FBXL17: variants seen among roughly 807,000 people sequenced by gnomAD.
FBXL17 encodes the protein F-box and leucine rich repeat protein 17, also known as F-box/LRR-repeat protein 17.
Under a neutral mutation model 66.2 loss-of-function variants are expected in FBXL17, and 22 were observed. That is an observed-to-expected ratio of 0.33 (90% CI 0.24 to 0.47). The LOEUF (loss-of-function observed/expected upper bound fraction) is 0.47, where lower values mean the gene tolerates loss of function less well. Ranked by LOEUF, FBXL17 falls within the 20% of genes least tolerant of loss-of-function variation. The pLI is 1.00. For synonymous variants in FBXL17, 474 were observed against 400.5 expected, an observed-to-expected ratio of 1.18 and a Z score of -2.19; for missense variants, 878 against 948.2, an observed-to-expected ratio of 0.93 and a Z score of 0.97.
chr5:108,238,150 A>G lies in FBXL17; in HGVS notation c.1507-13922T>C, dbSNP rs148024458. 2.6e-3 allele frequency among the ~76,000 whole-genome samples: 403 copies of G among 152,372 alleles called. 4 individuals carry two copies. Among genetic ancestry groups the G allele is most frequent in the African/African-American group, 9.3e-3 (385 of 41,584 alleles). ...CAGAGAACACATTGGCACTTGTCACATAACAGCTAAAAATGGTGACAGAAT... is the reference window on the plus strand; with the variant it reads ...CAGAGAACACATTGGCACTTGTCACGTAACAGCTAAAAATGGTGACAGAAT... On this transcript the variant is annotated intron_variant, in intron 4 of 8. Transcript: ENST00000542267.
intron 4 of FBXL17, among the ~76,000 whole-genome samples, chr5:108,338,298 G>C (rs1746646338): frequency 6.6e-6 from 1 of 151,862 alleles, no homozygotes; most frequent in Non-Finnish European, 1.5e-5. Context: ...TATTCTCAAA[G>C]ATATACAGTA....
At chr5:107,949,805 G>A (rs1221156693) in intron 7 of FBXL17, among the ~76,000 whole-genome samples, 1 of 152,170 alleles carries the variant, frequency 6.6e-6, no homozygotes, top group Non-Finnish European at 1.5e-5. Context: ...TTTTACTGAT[G>A]AGGAAATTGA....
intron 4 of FBXL17, among the ~76,000 whole-genome samples, chr5:108,270,301 A>C (rs1467738119): frequency 6.6e-6 from 1 of 151,970 alleles, no homozygotes; most frequent in Non-Finnish European, 1.5e-5. Context: ...CCTACAATCC[A>C]TTCCACTCAT....
At chr5:108,327,968 T>C (rs1188839842) in intron 4 of FBXL17, among the ~76,000 whole-genome samples, 2 of 152,118 alleles carry the variant, frequency 1.3e-5, no homozygotes, top group African/African-American at 4.8e-5. Context: ...TCTATACATT[T>C]AAAAAATCAA....
intron 7 of FBXL17, among the ~76,000 whole-genome samples, chr5:107,926,660 G>A (rs560910269): frequency 2.8e-4 from 43 of 151,636 alleles, no homozygotes; most frequent in Middle Eastern, 3.4e-3. Context: ...CCTATGATAG[G>A]GAAAGAAGTA....
intron 4 of FBXL17, among the ~76,000 whole-genome samples, chr5:108,262,051 A>ATGTT: frequency 7.0e-6 from 1 of 143,766 alleles, no homozygotes; most frequent in Admixed American, 6.9e-5. Flanking sequence ...AAAGTGATAC[A>ATGTT]TATTTTATTT....
chr5:108,063,355 A>G (rs1039135134), intron 6 of FBXL17, among the ~76,000 whole-genome samples: 2 of 152,184 alleles, frequency 1.3e-5, no homozygotes, highest in Admixed American at 1.3e-4. Flanking sequence ...GCCAATAACT[A>G]ACCTTGTCAA....
intron 7 of FBXL17, among the ~76,000 whole-genome samples, chr5:107,915,109 A>G (rs1236945278): frequency 1.3e-5 from 2 of 152,164 alleles, no homozygotes; most frequent in African/African-American, 4.8e-5. Context: ...TGCAATTTTA[A>G]AATATATTAT....
intron 6 of FBXL17, among the ~76,000 whole-genome samples, chr5:108,043,853 T>C (rs1223582582): frequency 6.6e-6 from 1 of 152,166 alleles, no homozygotes; most frequent in Non-Finnish European, 1.5e-5. Flanking sequence ...AAAGTACATC[T>C]TTCCATTTAT....
At chr5:108,208,532 T>A (rs559454131) in intron 5 of FBXL17, among the ~76,000 whole-genome samples, 30 of 152,194 alleles carry the variant, frequency 2.0e-4, no homozygotes, top group African/African-American at 7.0e-4. Flanking sequence ...CTGCATATGT[T>A]GTGCAGTTCT....
intron 6 of FBXL17, among the ~76,000 whole-genome samples, chr5:108,105,152 A>C (rs1043497074): frequency 2.0e-5 from 3 of 152,126 alleles, no homozygotes; most frequent in Admixed American, 2.0e-4. Flanking sequence ...TGATTTTTTT[A>C]ATGTATGAAT....
At chr5:108,335,736 T>C (rs1580840140) in intron 4 of FBXL17, among the ~76,000 whole-genome samples, 1 of 152,298 alleles carries the variant, frequency 6.6e-6, no homozygotes, top group East Asian at 1.9e-4. Flanking sequence ...AATTATATTC[T>C]TAAAAAAACC....
intron 7 of FBXL17, among the ~76,000 whole-genome samples, chr5:107,901,435 T>C (rs1749564823): frequency 6.6e-6 from 1 of 152,172 alleles, no homozygotes; most frequent in Non-Finnish European, 1.5e-5. Flanking sequence ...CTAGGCAAAC[T>C]TTTACTTAAT....
At chr5:108,142,532 A>C (rs561900747) in intron 6 of FBXL17, among the ~76,000 whole-genome samples, 1 of 152,306 alleles carries the variant, frequency 6.6e-6, no homozygotes, top group South Asian at 2.1e-4. Context: ...CTCTGCCCAA[A>C]AATGTTGTTT....
At position 108,016,324 on chromosome 5, in the gene FBXL17, G is replaced by A. The variant is rs545217425; in HGVS notation, c.1822+4601C>T. Among the ~76,000 whole-genome samples, 45 of 152,316 alleles carry A rather than the reference G, an allele frequency of 3.0e-4. 1 individual carries two copies. The highest frequency in any genetic ancestry group is 1.0e-3 in the African/African-American group (43 of 41,572). On this transcript the variant is annotated intron_variant, in intron 7 of 8. Coordinates refer to ENST00000542267, the MANE Select transcript of FBXL17 (RefSeq NM_001163315.3). ...TGGAAACCACACAGAAGGATGTGGAGTGGTACTGAGTGAGCCTGTGGGTTG... is the reference window on the plus strand; with the variant it reads ...TGGAAACCACACAGAAGGATGTGGAATGGTACTGAGTGAGCCTGTGGGTTG...
At chr5:108,190,103 G>GT (rs1442825840) in intron 5 of FBXL17, among the ~76,000 whole-genome samples, 6 of 152,174 alleles carry the variant, frequency 3.9e-5, no homozygotes, top group African/African-American at 1.4e-4. Context: ...AATTTGTTGT[G>GT]TATCAGTAGA....
intron 4 of FBXL17, among the ~76,000 whole-genome samples, chr5:108,310,716 C>A (rs1479925572): frequency 6.6e-6 from 1 of 152,146 alleles, no homozygotes; most frequent in Admixed American, 6.5e-5. Context: ...CAGGGCCCTT[C>A]TCTTATTGCC....
At chr5:108,006,343 G>A (rs1350288655) in intron 7 of FBXL17, among the ~76,000 whole-genome samples, 1 of 151,994 alleles carries the variant, frequency 6.6e-6, no homozygotes, top group East Asian at 1.9e-4. Context: ...AGTTATCAGT[G>A]GATTTGGCTC....
chr5:108,073,362 A>G (rs1748415236), intron 6 of FBXL17, among the ~76,000 whole-genome samples: 3 of 152,122 alleles, frequency 2.0e-5, no homozygotes, highest in Admixed American at 1.3e-4. Context: ...GACTTGAGTC[A>G]TGTTTCATTT....
Sources: gnomAD v4.1 joint callset for allele counts (sites outside exome capture counted in the v4.1 genomes callset) on GRCh38, gnomAD v4.1.1 for gene constraint, MANE v1.5 for transcripts, NCBI Gene and HGNC (gene_info 2026-07-23, HGNC 2026-07-21) for gene names.